The following CFAP46 variants were observed in gnomAD, a reference collection of about 807,000 sequenced individuals.
CFAP46 encodes the protein cilia and flagella associated protein 46.
CFAP46 carries 245 observed loss-of-function variants against 325.7 expected under a neutral mutation model. The observed-to-expected ratio is 0.75, with a 90% confidence interval of 0.68 to 0.84. The LOEUF (loss-of-function observed/expected upper bound fraction) is 0.84. Ranked by LOEUF, CFAP46 falls within the 40% of genes least tolerant of loss-of-function variation. The pLI, the probability that CFAP46 is intolerant of heterozygous loss-of-function variation, is 0.00. For missense variants in CFAP46, 3,346 were observed against 3,543.0 expected, an observed-to-expected ratio of 0.94 and a Z score of 1.41; for synonymous variants, 1,523 against 1,495.9, an observed-to-expected ratio of 1.02 and a Z score of -0.42.
intron 5 of CFAP46, 28 bp from the exon 6 acceptor site, chr10:132,937,703 A>G (rs1850031234): frequency 4.4e-6 from 7 of 1,575,632 alleles, no homozygotes; most frequent in Non-Finnish European, 6.0e-6. Context: ...ACCACTGGTC[A>G]ACCTGGTTGA....
At position 132,808,536 on chromosome 10, in the gene CFAP46, C is replaced by G; in HGVS notation, c.8033G>C (p.Gly2678Ala). 6.2e-7 allele frequency: 1 copy of G among 1,613,056 alleles called. No individual in the cohort carries two copies. The highest frequency in any genetic ancestry group is 8.5e-7 in the Non-Finnish European group (1 of 1,179,986). ...CLCAPWGLRR[G>A]WSCVSSRGQD... ...GCCCCGGGAAGAGACGCAGCTCCAG[C>G]CCCGACGCAGACCCCATGGCGCACA... Residue 2678 changes from glycine (G) to alanine (A), a missense_variant, in exon 58 of 58, where the codon GGC becomes GCC. By Grantham distance (60) the Gly-to-Ala change is moderately conservative. Transcript: ENST00000368586. This position sits in a 1 kb window ranked among gnomAD's most constrained non-coding sequence, Gnocchi z 6.8.
At chr10:132,850,530 GT>G (rs1307133467) in intron 40 of CFAP46, 98 bp from the exon 41 acceptor site, 29 of 1,219,730 alleles carry the variant, frequency 2.4e-5, no homozygotes, top group Admixed American at 1.7e-4. Context: ...TGCCCTGTGG[GT>G]GGGAACACTG....
chr10:132,851,318 G>C lies in CFAP46; in HGVS notation c.5575-13C>G, dbSNP rs779395934. 1.2e-6 allele frequency: 2 copies of C among 1,611,274 alleles called. No individual in the cohort carries two copies. Among genetic ancestry groups the C allele is most frequent in the Non-Finnish European group, 1.7e-6 (2 of 1,178,686 alleles). Reference sequence around the variant, plus strand: ...TGACGTTCTGCAACTGAGGGGGTCAGGCATGCCTCTGAAGCATGGAAGCTT... The same window carrying C: ...TGACGTTCTGCAACTGAGGGGGTCACGCATGCCTCTGAAGCATGGAAGCTT... On this transcript the variant is annotated splice_polypyrimidine_tract_variant and intron_variant, in intron 39 of 57. Transcript: ENST00000368586.
At chr10:132,857,443 T>C (rs142904862) in intron 39 of CFAP46, 147 bp downstream of exon 39, 8,522 of 745,676 alleles carry the variant, frequency 0.011, 124 homozygotes, top group Middle Eastern at 0.048. Context: ...TTTGTTTTTT[T>C]GTTGTTTCAG....
intron 50 of CFAP46, among the ~76,000 whole-genome samples, chr10:132,826,947 G>C (rs1848067260): frequency 1.3e-5 from 2 of 152,208 alleles, no homozygotes; most frequent in South Asian, 4.1e-4. Flanking sequence ...AGCAGGAGTG[G>C]CTCTCGGGTG....
In CFAP46 at chr10:132,859,126, A is replaced by T; in HGVS notation, c.5320T>A (p.Cys1774Ser). ...TCAACACAATTCTCTTTGCAGCCAC[A>T]GTCGATAAACTTTCTCTCAATTTCC... ...LLEIERKFID[C>S]GCKENCVDVK... Residue 1774 changes from cysteine to serine, a missense_variant, in exon 38 of 58, where the codon TGT (cysteine) becomes AGT (serine). Physicochemically the swap from Cys to Ser is moderately radical, Grantham distance 112. Coordinates refer to ENST00000368586, the MANE Select transcript of CFAP46 (RefSeq NM_001200049.3). 6.4e-7 allele frequency: 1 copy of T among 1,551,064 alleles called. No individual in the cohort carries two copies. The highest frequency in any genetic ancestry group is 8.7e-7 in the Non-Finnish European group (1 of 1,147,104).
chr10:132,837,528 C>A (rs1848274503), intron 44 of CFAP46, among the ~76,000 whole-genome samples: 1 of 150,826 alleles, frequency 6.6e-6, no homozygotes. Flanking sequence ...TGCACAGACA[C>A]ACGCACACGT....
chr10:132,858,953 G>A lies in CFAP46; in HGVS notation c.5375+118C>T, dbSNP rs1406816882. ...CGAGAGCTTCCCAGGGGAGGGTCCT[G>A]TGGACCCCGCGGGGGTGCAGCCGGG... On this transcript the variant is annotated intron_variant, in intron 38 of 57. Coordinates refer to ENST00000368586, the MANE Select transcript of CFAP46 (RefSeq NM_001200049.3). The A allele has an allele frequency of 7.6e-6, 8 of 1,050,388 alleles. No individual in the cohort carries two copies. In the East Asian group the frequency reaches 1.1e-4, roughly 14 times the overall value. The allele number at this position is 1,050,388 out of a possible 1,614,324, so 65.1% of individuals were successfully genotyped here. A position where few individuals can be genotyped will look rare whatever the true frequency, so the allele number is the denominator to read the frequency against.
chr10:132,822,763 ATGTGTGCTG>A (rs1308625069), intron 50 of CFAP46, among the ~76,000 whole-genome samples: 1 of 64,734 alleles, frequency 1.5e-5, no homozygotes, highest in Non-Finnish European at 3.3e-5. Context: ...GTGAGTGCTG[ATGTGTGCTG>A]TGTGTGCACT....
At position 132,885,247 on chromosome 10, in the gene CFAP46, G is replaced by A. The variant is rs1466793786; in HGVS notation, c.3483C>T (p.Leu1161=). 7.7e-6 allele frequency: 12 copies of A among 1,550,048 alleles called. No individual in the cohort carries two copies. Among genetic ancestry groups the A allele is most frequent in the African/African-American group, 4.1e-5 (3 of 73,032 alleles). ...FKHMVIVKAK[L]GQNFSMEIQK... is the part of the protein sequence containing the mutation. ...GTATTTCCATCGAAAAATTCTGCCC[G>A]AGCTTGGCCTTCACGATGACCATGT... Residue 1161 remains leucine (L), a synonymous_variant, in exon 27 of 58, where the codon CTC becomes CTT. Coordinates refer to ENST00000368586, the MANE Select transcript of CFAP46 (RefSeq NM_001200049.3).
intron 54 of CFAP46, among the ~76,000 whole-genome samples, chr10:132,813,532 G>A (rs1847626772): frequency 9.2e-6 from 1 of 108,740 alleles, no homozygotes; most frequent in Non-Finnish European, 1.9e-5. Context: ...TGCCCCTGCA[G>A]CCCCGCCCCT....
chr10:132,821,696 CTGA>C (rs1273160718), intron 50 of CFAP46, among the ~76,000 whole-genome samples: 1 of 98,228 alleles, frequency 1.0e-5, no homozygotes, highest in Non-Finnish European at 1.9e-5. Flanking sequence ...GTGCTGTGTG[CTGA>C]TGTGTGCTGA....
In CFAP46 at chr10:132,924,867, T is replaced by C; in HGVS notation, c.1085A>G (p.Gln362Arg). ...AAVEAQLDIIQRLDVALQRAV... is the reference protein window; with the variant it reads ...AAVEAQLDIIRRLDVALQRAV... ...TCGCTGCAGCGCGACGTCTAGCCTC[T>C]GTATGATATCCAGCTGGGCCTGCGG... Residue 362 changes from glutamine (Q) to arginine (R), a missense_variant, in exon 11 of 58, where the codon CAG (glutamine) becomes CGG (arginine). Physicochemically the swap from Gln to Arg is conservative, Grantham distance 43 (BLOSUM62 1). Transcript: ENST00000368586. 1 of 1,398,542 alleles carries C rather than the reference T, an allele frequency of 7.2e-7. No individual in the cohort carries two copies. The highest frequency in any genetic ancestry group is 9.4e-7 in the Non-Finnish European group (1 of 1,069,204). 86.6% of individuals were successfully genotyped at this position (1,398,542 alleles called of 1,614,324 possible).
In CFAP46 at chr10:132,814,470, T is replaced by C. The variant is rs561776053; in HGVS notation, c.7285+107A>G. The C allele has an allele frequency of 1.1e-4, 149 of 1,397,406 alleles. 1 individual carries two copies. In the South Asian group the frequency reaches 1.3e-3, roughly 12 times the overall value. The allele number at this position is 1,397,406 out of a possible 1,614,324, so 86.6% of individuals were successfully genotyped here. Reference sequence around the variant, plus strand: ...AAAATGGGGCAAGCACATATGCAGATTTCGGAGCCTCGAGGAGTGGGGCAC... The same window carrying C: ...AAAATGGGGCAAGCACATATGCAGACTTCGGAGCCTCGAGGAGTGGGGCAC... On this transcript the variant is annotated intron_variant, in intron 53 of 57. Coordinates refer to ENST00000368586, the MANE Select transcript of CFAP46 (RefSeq NM_001200049.3).
intron 19 of CFAP46, among the ~76,000 whole-genome samples, chr10:132,911,690 C>T (rs1849542824): frequency 6.6e-6 from 1 of 152,228 alleles, no homozygotes; most frequent in Admixed American, 6.5e-5. Flanking sequence ...TTTTGGATTA[C>T]AACAAAATCC....
At chr10:132,833,244 T>C (rs1564771002) in intron 50 of CFAP46, 114 bp downstream of exon 50, 18 of 1,062,626 alleles carry the variant, frequency 1.7e-5, no homozygotes, top group Non-Finnish European at 2.3e-5. Flanking sequence ...TAGAAAAATG[T>C]TGCAACATTT....
chr10:132,809,719 G>A (rs531247131), intron 57 of CFAP46, among the ~76,000 whole-genome samples: 5 of 152,156 alleles, frequency 3.3e-5, no homozygotes, highest in Admixed American at 1.3e-4. Flanking sequence ...GGCTCCTCCC[G>A]CCTCACCGTG....
intron 57 of CFAP46, among the ~76,000 whole-genome samples, chr10:132,809,864 A>G (rs1395194749): frequency 6.6e-6 from 1 of 152,156 alleles, no homozygotes; most frequent in African/African-American, 2.4e-5. Flanking sequence ...GCTGGATGCC[A>G]TGTGACAGGC....
In CFAP46 at chr10:132,869,313, G is replaced by A. The variant is rs1281765104; in HGVS notation, c.4571C>T (p.Ala1524Val). ...LREAAARHEE[A>V]VGQVCVSELE... ...CTCGCTGACGCACACCTGCCCGACC[G>A]CCTCTTCATGGCGCGCGGCTGCTTC... Residue 1524 changes from alanine to valine, a missense_variant, in exon 33 of 58, where the codon GCG (alanine) becomes GTG (valine). Coordinates refer to ENST00000368586, the MANE Select transcript of CFAP46 (RefSeq NM_001200049.3). This position sits in a 1 kb window ranked among gnomAD's most constrained non-coding sequence, Gnocchi z 6.2. The A allele has an allele frequency of 2.6e-6, 4 of 1,539,134 alleles. No homozygotes were observed. The highest frequency in any genetic ancestry group is 2.5e-5 in the East Asian group (1 of 40,704).
Sources: allele counts gnomAD v4.1 joint callset (sites outside exome capture counted in the v4.1 genomes callset), GRCh38; gene constraint gnomAD v4.1.1; non-coding constraint Gnocchi (gnomAD v3.1); transcripts MANE v1.5; gene names NCBI Gene and HGNC (gene_info 2026-07-23, HGNC 2026-07-21).